RHOBTB1: variants seen among roughly 807,000 people sequenced by gnomAD.
RHOBTB1 encodes the protein Rho related BTB domain containing 1, also known as rho-related BTB domain-containing protein 1.
Under a neutral mutation model 71.6 loss-of-function variants are expected in RHOBTB1, and 40 were observed. The observed-to-expected ratio is 0.56, with a 90% CI of 0.43 to 0.73. RHOBTB1 has a LOEUF of 0.73. Among genes scored for constraint, RHOBTB1 ranks in the 30% least tolerant of loss-of-function variants. RHOBTB1 has a pLI of 0.00. For missense variants in RHOBTB1, 797 were observed against 894.0 expected (o/e 0.89, Z 1.38); for synonymous variants, 319 against 334.9 (o/e 0.95, Z 0.52).
At chr10:60,938,585 C>G (rs2084728668) in intron 2 of RHOBTB1, among the ~76,000 whole-genome samples, 1 of 152,076 alleles carries the variant, frequency 6.6e-6, no homozygotes, top group Admixed American at 6.6e-5. Flanking sequence ...AGCAGTTAGC[C>G]AATTTATCCA....
chr10:60,884,345 G>A (rs2081468128), intron 7 of RHOBTB1, among the ~76,000 whole-genome samples: 1 of 152,186 alleles, frequency 6.6e-6, no homozygotes, highest in Non-Finnish European at 1.5e-5. Context: ...GCTGAGACAA[G>A]TAAAACAAGC....
At chr10:60,962,727 C>G (rs1053538254) in intron 2 of RHOBTB1, among the ~76,000 whole-genome samples, 2 of 152,108 alleles carry the variant, frequency 1.3e-5, no homozygotes, top group African/African-American at 4.8e-5. Context: ...ACTGCTGGCC[C>G]AGTCAATTTT....
chr10:60,879,903 T>TG (rs912011093), intron 7 of RHOBTB1, among the ~76,000 whole-genome samples: 2 of 152,104 alleles, frequency 1.3e-5, no homozygotes, highest in African/African-American at 4.8e-5. Flanking sequence ...CAAAAATATT[T>TG]GAAAAATAAA....
rs142119586 is a variant in RHOBTB1 at position 60,927,734 on chromosome 10, T to C, written c.-11+14070A>G. On this transcript the variant is annotated intron_variant, in intron 2 of 10. Coordinates refer to ENST00000337910, the MANE Select transcript of RHOBTB1 (RefSeq NM_014836.5). ...TAAATCAAAATAGATTAAATACTTATATCTAAGACCTCAAACGATGAAACG... is the reference window on the plus strand; with the variant it reads ...TAAATCAAAATAGATTAAATACTTACATCTAAGACCTCAAACGATGAAACG... Among the ~76,000 whole-genome samples, 14 of 152,286 alleles carry C rather than the reference T, an allele frequency of 9.2e-5. No homozygotes were observed. In the East Asian group the frequency reaches 1.4e-3, roughly 15 times the overall value.
chr10:60,955,446 A>G (rs918053443), intron 2 of RHOBTB1, among the ~76,000 whole-genome samples: 17 of 152,204 alleles, frequency 1.1e-4, no homozygotes, highest in African/African-American at 4.1e-4. Flanking sequence ...AATGCTGTAC[A>G]GACATGGATC....
At chr10:60,872,682 G>A (rs1029450106) in intron 9 of RHOBTB1, among the ~76,000 whole-genome samples, 6 of 151,988 alleles carry the variant, frequency 3.9e-5, no homozygotes, top group South Asian at 4.1e-4. Context: ...GGAATACTTC[G>A]TGTCGCATGT....
At chr10:60,925,391 T>G (rs563876986) in intron 2 of RHOBTB1, among the ~76,000 whole-genome samples, 1 of 152,074 alleles carries the variant, frequency 6.6e-6, no homozygotes, top group East Asian at 1.9e-4. Context: ...TAAATGAAAA[T>G]ACAAACACAA....
intron 5 of RHOBTB1, among the ~76,000 whole-genome samples, chr10:60,891,334 C>CTTTTTTGTTTT (rs2081907016): frequency 1.4e-5 from 1 of 71,320 alleles, no homozygotes; most frequent in African/African-American, 6.0e-5. Context: ...TTGCTGTTTG[C>CTTTTTTGTTTT]TTTTTTTTTT....
At chr10:60,946,676 T>G (rs1217305952), upstream of RHOBTB1, among the ~76,000 whole-genome samples, 1 of 152,100 alleles carries the variant, frequency 6.6e-6, no homozygotes, top group Non-Finnish European at 1.5e-5. Flanking sequence ...CAGTTCTAAG[T>G]TAAAAAAAGT....
chr10:60,871,882 A>C (rs757784263), intron 10 of RHOBTB1, among the ~76,000 whole-genome samples: 4 of 152,154 alleles, frequency 2.6e-5, no homozygotes, highest in Non-Finnish European at 5.9e-5. Flanking sequence ...CTGATTTCAG[A>C]GTCTAAGCCT....
the RHOBTB1 span, among the ~76,000 whole-genome samples, chr10:60,864,028 G>T: frequency 6.6e-6 from 1 of 152,022 alleles, no homozygotes; most frequent in African/African-American, 2.4e-5. Context: ...CTTAGCCTTC[G>T]ACCACTCGTG....
chr10:60,943,817 G>T (rs370725833), intron 1 of RHOBTB1, among the ~76,000 whole-genome samples, 154 bp downstream of exon 1: 1 of 152,024 alleles, frequency 6.6e-6, no homozygotes, highest in Admixed American at 6.5e-5. Context: ...CCCCCTAGCG[G>T]CTCGGTCCCA....
chr10:60,976,868 T>A (rs556001230), intron 2 of RHOBTB1, among the ~76,000 whole-genome samples: 33 of 152,068 alleles, frequency 2.2e-4, no homozygotes, highest in Non-Finnish European at 3.8e-4. Flanking sequence ...GTTTAATATT[T>A]AACACACAAA....
intron 2 of RHOBTB1, among the ~76,000 whole-genome samples, chr10:60,941,409 C>T (rs997989668): frequency 3.3e-5 from 5 of 151,944 alleles, no homozygotes; most frequent in African/African-American, 7.3e-5. Context: ...TTACCTGAAC[C>T]GTGATTCATG....
At chr10:60,976,837 GA>G (rs574620800) in intron 2 of RHOBTB1, among the ~76,000 whole-genome samples, 96 of 152,096 alleles carry the variant, frequency 6.3e-4, no homozygotes, top group African/African-American at 2.1e-3. Context: ...ATTTGAGAGA[GA>G]ATTTCTGGAT....
At chr10:60,864,000 C>T in the RHOBTB1 span, among the ~76,000 whole-genome samples, 1 of 152,190 alleles carries the variant, frequency 6.6e-6, no homozygotes, top group East Asian at 1.9e-4. Flanking sequence ...TATCCCCTCC[C>T]CCTCCACTGC....
chr10:60,939,708 C>T (rs1229872481), intron 2 of RHOBTB1, among the ~76,000 whole-genome samples: 2 of 152,122 alleles, frequency 1.3e-5, no homozygotes, highest in African/African-American at 2.4e-5. Context: ...ACGTGAATGG[C>T]CTATTTTCTA....
chr10:60,929,023 G>A (rs1026265688), intron 2 of RHOBTB1, among the ~76,000 whole-genome samples: 1 of 152,138 alleles, frequency 6.6e-6, no homozygotes, highest in Non-Finnish European at 1.5e-5. Flanking sequence ...GCAGGAGAGA[G>A]ATACCAAAGG....
chr10:60,926,205 C>T (rs1027727725), intron 2 of RHOBTB1, among the ~76,000 whole-genome samples: 4 of 152,106 alleles, frequency 2.6e-5, no homozygotes, highest in Non-Finnish European at 5.9e-5. Context: ...CAACTGCACT[C>T]CAGCCAGGGC....
Sources: gnomAD v4.1 joint callset for allele counts (sites outside exome capture counted in the v4.1 genomes callset) on GRCh38, gnomAD v4.1.1 for gene constraint, MANE v1.5 for transcripts, NCBI Gene and HGNC (gene_info 2026-07-23, HGNC 2026-07-21) for gene names.